UGT1A6: variants seen among roughly 807,000 people sequenced by gnomAD.
UGT1A6 encodes UDP glucuronosyltransferase family 1 member A6, also known as UDP-glucuronosyltransferase 1A6.
In UGT1A6, 32 loss-of-function variants were observed where a neutral mutation model predicts 44.4. The ratio of observed to expected loss-of-function variants is 0.72; its 90% confidence interval spans 0.54 to 0.97. The LOEUF (loss-of-function observed/expected upper bound fraction) is 0.97. Ranked by LOEUF, UGT1A6 falls within the 50% of genes least tolerant of loss-of-function variation. UGT1A6 has a pLI of 0.00. For missense variants in UGT1A6, 685 were observed against 661.9 expected, an observed-to-expected ratio of 1.03 and a Z score of -0.38; for synonymous variants, 238 against 248.5, an observed-to-expected ratio of 0.96 and a Z score of 0.40.
Position 233,767,942 on chromosome 2 carries a change from T to C in UGT1A6, c.1081+6T>C, listed in dbSNP as rs1198417535. The stretch of plus-strand genomic sequence containing the variant: ...ACCCCAAAACGATCTGCTTGGTATG[T>C]TGGGCGGATTGGATGTATAGGTCAA... On this transcript the variant is annotated splice_donor_region_variant and intron_variant, in intron 3 of 4. Transcript: ENST00000305139. The C allele has an allele frequency of 3.7e-6, 6 of 1,614,092 alleles. No individual in the cohort carries two copies. The East Asian group carries it at 1.1e-4, about 30-fold the overall frequency.
chr2:233,752,638 G>C (rs1306157736), intron 1 of UGT1A6: 1 of 152,130 alleles, frequency 6.6e-6, no homozygotes, highest in Non-Finnish European at 1.5e-5. Context: ...TGTTGTCTTA[G>C]TTACTGGGAA....
chr2:233,724,474 C>G, intron 1 of UGT1A6, among the ~76,000 whole-genome samples: 1 of 78,814 alleles, frequency 1.3e-5, no homozygotes, highest in East Asian at 2.8e-4. Flanking sequence ...GGGCTCCTCA[C>G]TTCTCAGACG....
At chr2:233,696,605 CCTTTCTTT>C (rs57635371) in intron 1 of UGT1A6, among the ~76,000 whole-genome samples, 1 of 151,622 alleles carries the variant, frequency 6.6e-6, no homozygotes, top group Non-Finnish European at 1.5e-5. Context: ...ACTTGGATGC[CCTTTCTTT>C]CTTTCTTTCT....
intron 1 of UGT1A6, among the ~76,000 whole-genome samples, chr2:233,734,844 A>G (rs1575606786): frequency 6.6e-6 from 1 of 152,286 alleles, no homozygotes; most frequent in Middle Eastern, 3.4e-3. Flanking sequence ...TTCTTAATCC[A>G]GAGTTCTAAT....
At chr2:233,755,785 T>A (rs1696021377) in intron 1 of UGT1A6, 1 of 152,588 alleles carries the variant, frequency 6.6e-6, no homozygotes, top group Non-Finnish European at 1.5e-5. Flanking sequence ...ATGCCTATCA[T>A]ATGTACTGCA....
chr2:233,746,165 A>G (rs530256545), intron 1 of UGT1A6, among the ~76,000 whole-genome samples: 2 of 151,990 alleles, frequency 1.3e-5, no homozygotes, highest in South Asian at 4.2e-4. Context: ...CAAAGCCAAA[A>G]TCTTGCCTGT....
intron 1 of UGT1A6, among the ~76,000 whole-genome samples, chr2:233,720,265 G>T (rs928123485): frequency 1.2e-4 from 19 of 152,154 alleles, no homozygotes; most frequent in Admixed American, 1.0e-3. Flanking sequence ...AGAGGGATCT[G>T]TCCTGAGAAA....
intron 4 of UGT1A6, chr2:233,771,736 GTCTT>G (rs1408768214): frequency 2.0e-5 from 3 of 152,960 alleles, no homozygotes; most frequent in Non-Finnish European, 4.4e-5. Flanking sequence ...TATAATTTTG[GTCTT>G]TCTTTTTCTC....
At chr2:233,730,107 G>C (rs2077985691) in intron 1 of UGT1A6, 1 of 1,570,754 alleles carries the variant, frequency 6.4e-7, no homozygotes. Flanking sequence ...TTTCATTTCT[G>C]CTTCTCCTTG....
intron 1 of UGT1A6, among the ~76,000 whole-genome samples, chr2:233,709,542 T>C (rs1011776342): frequency 6.6e-6 from 1 of 152,178 alleles, no homozygotes; most frequent in Admixed American, 6.5e-5. Context: ...CTGTGATATA[T>C]GTAAGTACTT....
chr2:233,755,031 C>A (rs758383518), intron 1 of UGT1A6: 1 of 1,312,808 alleles, frequency 7.6e-7, no homozygotes, highest in East Asian at 4.6e-5. Flanking sequence ...GAAGGGCCTG[C>A]CGCCTGCGCA....
chr2:233,713,254 A>T (rs1466031598), intron 1 of UGT1A6: 2 of 1,614,136 alleles, frequency 1.2e-6, no homozygotes, highest in Non-Finnish European at 1.7e-6. Flanking sequence ...ACCCAGGACG[A>T]ATTTGATCGC....
At chr2:233,742,781 C>A (rs550270409) in intron 1 of UGT1A6, 1 of 153,010 alleles carries the variant, frequency 6.5e-6, no homozygotes, top group African/African-American at 2.4e-5. Context: ...TTGTTTTGAA[C>A]CATCATTAAA....
chr2:233,727,414 G>A (rs1241262548), intron 1 of UGT1A6, among the ~76,000 whole-genome samples: 1 of 152,064 alleles, frequency 6.6e-6, no homozygotes, highest in East Asian at 1.9e-4. Context: ...GCCTCCTCAG[G>A]GTCTGGGAGT....
At chr2:233,726,272 G>A (rs896187781) in intron 1 of UGT1A6, among the ~76,000 whole-genome samples, 1 of 152,166 alleles carries the variant, frequency 6.6e-6, no homozygotes, top group African/African-American at 2.4e-5. Flanking sequence ...ATGCGCCTAT[G>A]GTCCCAGGTA....
intron 1 of UGT1A6, among the ~76,000 whole-genome samples, chr2:233,698,748 A>C (rs12988520): frequency 0.51 from 77,361 of 152,166 alleles, 20,265 homozygotes; most frequent in South Asian, 0.59. Flanking sequence ...TTTTTACATA[A>C]TGCTATGATT....
chr2:233,729,735 C>A, intron 1 of UGT1A6: 1 of 1,614,000 alleles, frequency 6.2e-7, no homozygotes, highest in South Asian at 1.1e-5. Context: ...CCAATTCAGA[C>A]CACATGACAT....
chr2:233,732,909 C>T (rs2078335014), intron 1 of UGT1A6, among the ~76,000 whole-genome samples: 1 of 152,070 alleles, frequency 6.6e-6, no homozygotes, highest in African/African-American at 2.4e-5. Context: ...GCAGTATGGC[C>T]ATTTTCACGA....
chr2:233,717,708 G>A, intron 1 of UGT1A6: 1 of 452,244 alleles, frequency 2.2e-6, no homozygotes, highest in Non-Finnish European at 4.5e-6. Context: ...AGCAGGACGA[G>A]CCTCATGGGC....
Sources: gnomAD v4.1 joint callset for allele counts (sites outside exome capture counted in the v4.1 genomes callset) on GRCh38, gnomAD v4.1.1 for gene constraint, MANE v1.5 for transcripts, NCBI Gene and HGNC (gene_info 2026-07-23, HGNC 2026-07-21) for gene names.